The following EYS variants were observed in gnomAD, a reference collection of about 807,000 sequenced individuals.
EYS encodes the protein EGF-like photoreceptor maintenance factor.
In EYS, 250 loss-of-function variants were observed where a neutral mutation model predicts 282.1. The ratio of observed to expected loss-of-function variants is 0.89; its 90% CI spans 0.80 to 0.98. The LOEUF (loss-of-function observed/expected upper bound fraction) is 0.98. Ranked by LOEUF, EYS falls within the 50% of genes least tolerant of loss-of-function variation. The probability of loss-of-function intolerance (pLI) is 0.00; values close to 1 mark genes in which losing one functional copy is unlikely to be tolerated. For synonymous variants in EYS, 1,355 were observed against 1,282.9 expected (o/e 1.06, Z -1.20); for missense variants, 4,016 against 3,709.0 (o/e 1.08, Z -2.15).
intron 33 of EYS, among the ~76,000 whole-genome samples, chr6:64,020,940 G>T (rs1769159139): frequency 6.6e-6 from 1 of 152,098 alleles, no homozygotes; most frequent in Non-Finnish European, 1.5e-5. Flanking sequence ...GGGAATCCAA[G>T]AATTATGATG....
intron 2 of EYS, among the ~76,000 whole-genome samples, chr6:65,598,119 A>AAAAC (rs78092251): frequency 0.018 from 2,627 of 149,542 alleles, 74 homozygotes; most frequent in African/African-American, 0.061. Context: ...AAAACAAAAC[A>AAAAC]AAACAAACAA....
intron 12 of EYS, among the ~76,000 whole-genome samples, chr6:65,059,272 G>A (rs528492971): frequency 3.0e-4 from 46 of 152,160 alleles, no homozygotes; most frequent in South Asian, 6.2e-4. Flanking sequence ...GAAGGCTATT[G>A]CAATCAAGGA....
intron 34 of EYS, among the ~76,000 whole-genome samples, chr6:63,995,177 A>G (rs560331964): frequency 6.6e-6 from 1 of 152,100 alleles, no homozygotes; most frequent in East Asian, 1.9e-4. Flanking sequence ...ACTCAATAGC[A>G]ATGAACAAAC....
intron 12 of EYS, among the ~76,000 whole-genome samples, chr6:65,270,884 T>C (rs1350623519): frequency 2.0e-5 from 3 of 151,750 alleles, no homozygotes; most frequent in Admixed American, 6.6e-5. Flanking sequence ...ATATGATTTA[T>C]GTATTATTTA....
intron 1 of EYS, among the ~76,000 whole-genome samples, chr6:65,646,230 AC>A (rs1420689135): frequency 4.6e-5 from 7 of 152,122 alleles, no homozygotes; most frequent in Admixed American, 3.9e-4. Flanking sequence ...CACAACTACA[AC>A]AAGAACAAAA....
At chr6:65,325,349 C>T (rs1410126951) in intron 11 of EYS, among the ~76,000 whole-genome samples, 2 of 152,090 alleles carry the variant, frequency 1.3e-5, no homozygotes, top group East Asian at 3.9e-4. Context: ...ACATATACAA[C>T]AAACGCTGCA....
chr6:64,156,159 G>A (rs528108968), intron 31 of EYS, among the ~76,000 whole-genome samples: 4 of 151,984 alleles, frequency 2.6e-5, no homozygotes, highest in East Asian at 1.9e-4. Flanking sequence ...CACATGTTGC[G>A]GGAGGGACCT....
intron 12 of EYS, among the ~76,000 whole-genome samples, chr6:65,148,418 T>A (rs1321937302): frequency 1.3e-5 from 2 of 152,080 alleles, no homozygotes; most frequent in South Asian, 2.1e-4. Context: ...CAAAATGATC[T>A]CCTTTGACTC....
Position 64,821,670 on chromosome 6 carries a change from C to T in EYS, c.3218G>A (p.Ser1073Asn). Residue 1073 changes from serine to asparagine, a missense_variant, in exon 21 of 43, where the codon AGC (serine) becomes AAC (asparagine). Physicochemically the swap from Ser to Asn is conservative, Grantham distance 46. Coordinates refer to ENST00000503581, the MANE Select transcript of EYS (RefSeq NM_001142800.2). ...YPCSCDADGT[S>N]TQCKIKINDC... Reference sequence around the variant, plus strand: ...ATTAATTTTGATCTTACATTGTGTGCTAGTCCCATCTGCATCACATGAACA... The same window carrying T: ...ATTAATTTTGATCTTACATTGTGTGTTAGTCCCATCTGCATCACATGAACA... The T allele has an allele frequency of 6.6e-7, 1 of 1,515,662 alleles. No individual in the cohort carries two copies. Among genetic ancestry groups the T allele is most frequent in the Non-Finnish European group, 8.9e-7 (1 of 1,119,860 alleles). 93.9% of individuals were successfully genotyped at this position (1,515,662 alleles called of 1,614,324 possible). A position where few individuals can be genotyped will look rare whatever the true frequency, so the allele number is the denominator to read the frequency against.
At chr6:63,851,283 GA>G (rs1280397384) in intron 36 of EYS, among the ~76,000 whole-genome samples, 1 of 152,102 alleles carries the variant, frequency 6.6e-6, no homozygotes, top group African/African-American at 2.4e-5. Flanking sequence ...AAATTAACAA[GA>G]ATATTCAGGA....
At chr6:64,531,393 G>GT (rs5876905) in intron 26 of EYS, among the ~76,000 whole-genome samples, 48 of 118,986 alleles carry the variant, frequency 4.0e-4, no homozygotes, top group Non-Finnish European at 6.6e-4. Flanking sequence ...TTTGTTTTTT[G>GT]TTTTTTTTTT....
intron 22 of EYS, among the ~76,000 whole-genome samples, chr6:64,633,090 T>C (rs189762924): frequency 1.6e-4 from 24 of 152,340 alleles, no homozygotes; most frequent in African/African-American, 5.0e-4. Context: ...TTAACATTTT[T>C]ACTTTTATCC....
intron 16 of EYS, among the ~76,000 whole-genome samples, chr6:64,902,721 G>A (rs1026442728): frequency 1.3e-5 from 2 of 152,066 alleles, no homozygotes; most frequent in African/African-American, 2.4e-5. Context: ...TTCAAGGGAG[G>A]AATACTCCAC....
intron 1 of EYS, among the ~76,000 whole-genome samples, chr6:65,655,739 G>T (rs1283978427): frequency 6.6e-6 from 1 of 151,822 alleles, no homozygotes; most frequent in Non-Finnish European, 1.5e-5. Context: ...GCAATCTTAT[G>T]ATCAAATTTG....
Position 64,590,722 on chromosome 6 carries a change from C to A in EYS, c.5145G>T (p.Glu1715Asp), listed in dbSNP as rs1447177940. Residue 1715 changes from glutamate to aspartate, a missense_variant, in exon 26 of 43, where the codon GAG becomes GAT. Coordinates refer to ENST00000503581, the MANE Select transcript of EYS (RefSeq NM_001142800.2). ...RQYGITMGPT[E>D]VLNQESLLDM... ...CCAATAAGCTCTCTTGATTTAGTAC[C>A]TCAGTGGGTCCCATAGTTATGCCAT... The A allele has an allele frequency of 2.6e-6, 4 of 1,550,966 alleles. No homozygotes were observed. The highest frequency in any genetic ancestry group is 3.9e-5 in the Admixed American group (2 of 50,958).
intron 19 of EYS, among the ~76,000 whole-genome samples, chr6:64,828,818 C>T (rs903174200): frequency 6.6e-6 from 1 of 151,892 alleles, no homozygotes; most frequent in Admixed American, 6.6e-5. Context: ...CTGTCTGGGC[C>T]CTCCCTGGTG....
intron 22 of EYS, among the ~76,000 whole-genome samples, chr6:64,769,962 T>C (rs553911302): frequency 2.0e-5 from 3 of 152,094 alleles, no homozygotes; most frequent in African/African-American, 7.2e-5. Context: ...CATACAGATG[T>C]AAATATATAT....
At chr6:64,056,732 T>C (rs1357828627) in intron 33 of EYS, among the ~76,000 whole-genome samples, 1 of 152,196 alleles carries the variant, frequency 6.6e-6, no homozygotes, top group Admixed American at 6.5e-5. Context: ...TCCATTGCAT[T>C]TGACTGGAAA....
intron 31 of EYS, among the ~76,000 whole-genome samples, chr6:64,218,938 T>C (rs1582442892): frequency 1.3e-5 from 2 of 152,162 alleles, no homozygotes; most frequent in East Asian, 3.8e-4. Context: ...ATGTCAACCT[T>C]GTCATGTGCA....
Sources: allele counts gnomAD v4.1 joint callset (sites outside exome capture counted in the v4.1 genomes callset), GRCh38; gene constraint gnomAD v4.1.1; transcripts MANE v1.5; gene names NCBI Gene and HGNC (gene_info 2026-07-23, HGNC 2026-07-21).